The following SLC25A53 variants were observed in gnomAD, a reference collection of about 807,000 sequenced individuals.
The protein encoded by SLC25A53 is mitochondrial carrier triple repeat protein 6.
In SLC25A53, 5 loss-of-function variants were observed where a neutral mutation model predicts 15.0. That is an observed-to-expected ratio of 0.33 (90% CI 0.17 to 0.70). The LOEUF (loss-of-function observed/expected upper bound fraction) is 0.70, where lower values mean the gene tolerates loss of function less well. SLC25A53 is among the 30% of genes least tolerant of loss of function. The probability of loss-of-function intolerance (pLI) is 0.67; values close to 1 mark genes in which losing one functional copy is unlikely to be tolerated. For synonymous variants in SLC25A53, 95 were observed against 100.0 expected (o/e 0.95, Z 0.30); for missense variants, 216 against 241.6 (o/e 0.89, Z 0.70).
chrX:104,114,348 G>A (rs1227285668), intron 1 of SLC25A53: 2 of 1,209,907 alleles, frequency 1.7e-6, no homozygotes, highest in Admixed American at 4.4e-5. Flanking sequence ...GTATGTCTGA[G>A]GAGGAAAAAC....
intron 1 of SLC25A53, among the ~76,000 whole-genome samples, chrX:104,154,683 G>A (rs2075495214): frequency 8.9e-6 from 1 of 111,958 alleles, no homozygotes; most frequent in Non-Finnish European, 1.9e-5. Context: ...CCATTGATGA[G>A]CCTGGAGAAC....
chrX:104,136,427 A>G (rs947058711), intron 1 of SLC25A53, among the ~76,000 whole-genome samples: 1 of 111,562 alleles, frequency 9.0e-6, no homozygotes, highest in Non-Finnish European at 1.9e-5. Context: ...AGGCAGCTCC[A>G]AAACAGCCTT....
intron 1 of SLC25A53, among the ~76,000 whole-genome samples, chrX:104,126,601 T>A (rs1414406727): frequency 1.8e-5 from 2 of 111,174 alleles, no homozygotes; most frequent in Non-Finnish European, 1.9e-5. Context: ...CAGTGAGACA[T>A]GATTGTGCCA....
chrX:104,146,939 T>C (rs782097428), intron 1 of SLC25A53, among the ~76,000 whole-genome samples: 3 of 111,486 alleles, frequency 2.7e-5, no homozygotes, highest in African/African-American at 6.5e-5. Flanking sequence ...CTTCACAGAA[T>C]TGGAAAAAAC....
At position 104,101,064 on chromosome X, in the gene SLC25A53, C is replaced by T. The variant is rs1487732088; in HGVS notation, c.*3270G>A. 1.8e-5 allele frequency: 2 copies of T among 112,332 alleles called. No homozygotes were observed. The highest frequency in any genetic ancestry group is 6.5e-5 in the African/African-American group (2 of 30,886). 9.3% of individuals were successfully genotyped at this position (112,332 alleles called of 1,213,427 possible). A position where few individuals can be genotyped will look rare whatever the true frequency, so the allele number is the denominator to read the frequency against. On this transcript the variant is annotated 3_prime_UTR_variant, in exon 2 of 2. Coordinates refer to ENST00000594199, the MANE Select transcript of SLC25A53 (RefSeq NM_001012755.5). ...CTTCAAGTTTGAGTTCACATGACCC[C>T]TTCTTTGGGTTTAATTTGCCAGAAA...
chrX:104,142,665 A>C (rs2075453973), intron 1 of SLC25A53, among the ~76,000 whole-genome samples: 1 of 110,532 alleles, frequency 9.0e-6, no homozygotes, highest in African/African-American at 3.3e-5. Context: ...TGCAGCTCCC[A>C]ACAAGACCGA....
At chrX:104,137,850 T>C (rs782360750) in intron 1 of SLC25A53, among the ~76,000 whole-genome samples, 82 of 111,910 alleles carry the variant, frequency 7.3e-4, no homozygotes, top group Non-Finnish European at 8.3e-4. Context: ...GTCTCTTTCT[T>C]CCAGTCTCCT....
In SLC25A53 at chrX:104,100,599, C is replaced by T. The variant is rs1195554943; in HGVS notation, c.*3735G>A. 1 of 111,621 alleles carries T rather than the reference C, an allele frequency of 9.0e-6. No individual in the cohort carries two copies. Among genetic ancestry groups the T allele is most frequent in the Non-Finnish European group, 1.9e-5 (1 of 53,189 alleles). 9.2% of individuals were successfully genotyped at this position (111,621 alleles called of 1,213,427 possible). ...ATATTGCCTAGGATTTCATATGAAC[C>T]GATTTGAAAAACTCAATTATTTAAA... is the stretch of plus-strand genomic sequence containing the variant. On this transcript the variant is annotated 3_prime_UTR_variant, in exon 2 of 2. Transcript: ENST00000594199.
At chrX:104,156,781 C>T (rs1341891955) in intron 1 of SLC25A53, 97 bp downstream of exon 1, 2 of 111,606 alleles carry the variant, frequency 1.8e-5, no homozygotes, top group South Asian at 3.8e-4. Context: ...CTCATCCCCT[C>T]GCAACTTCTG....
intron 1 of SLC25A53, among the ~76,000 whole-genome samples, chrX:104,143,102 G>A (rs950055093): frequency 9.0e-6 from 1 of 110,682 alleles, no homozygotes; most frequent in Non-Finnish European, 1.9e-5. Flanking sequence ...GGTAGGTCAC[G>A]AACGTCAAAG....
At chrX:104,152,184 G>A (rs1373933510) in intron 1 of SLC25A53, among the ~76,000 whole-genome samples, 5 of 106,077 alleles carry the variant, frequency 4.7e-5, no homozygotes, top group Non-Finnish European at 9.7e-5. Context: ...CCATTAACTC[G>A]TCATTTAGCA....
At chrX:104,117,888 C>T (rs1390188643) in intron 1 of SLC25A53, among the ~76,000 whole-genome samples, 1 of 112,309 alleles carries the variant, frequency 8.9e-6, no homozygotes, top group Admixed American at 9.4e-5. Context: ...TACCCCCATC[C>T]TCCTTTTCAC....
chrX:104,127,972 C>T lies in SLC25A53; in HGVS notation c.-31-22684G>A, dbSNP rs1569462964. ...GAGCTAGACTCTGTCTCAAAAAAAA[C>T]AAAAAAACAAACAAAAAAAAAACTA... is the stretch of plus-strand genomic sequence containing the variant. On this transcript the variant is annotated intron_variant, in intron 1 of 1. Coordinates refer to ENST00000594199, the MANE Select transcript of SLC25A53 (RefSeq NM_001012755.5). 2.7e-5 allele frequency among the ~76,000 whole-genome samples: 3 copies of T among 109,309 alleles called. No individual in the cohort carries two copies. In the South Asian group the frequency reaches 1.2e-3, roughly 43 times the overall value. 94.9% of individuals were successfully genotyped at this position (109,309 alleles called of 115,157 possible).
At chrX:104,117,880 C>T (rs1171433448) in intron 1 of SLC25A53, among the ~76,000 whole-genome samples, 1 of 112,261 alleles carries the variant, frequency 8.9e-6, no homozygotes, top group Admixed American at 9.4e-5. Flanking sequence ...GCTACACCTA[C>T]CCCCATCCTC....
chrX:104,146,834 T>A (rs1277395510), intron 1 of SLC25A53, among the ~76,000 whole-genome samples: 3 of 111,040 alleles, frequency 2.7e-5, no homozygotes, highest in Non-Finnish European at 5.7e-5. Context: ...CATTCCATGC[T>A]CATGGGTAGG....
chrX:104,142,033 A>G (rs1387370181), intron 1 of SLC25A53, among the ~76,000 whole-genome samples: 1 of 112,147 alleles, frequency 8.9e-6, no homozygotes, highest in African/African-American at 3.2e-5. Context: ...CTTTTAAAAG[A>G]AAAAGGTTCA....
In SLC25A53 at chrX:104,104,417, T is replaced by C; in HGVS notation, c.841A>G (p.Ser281Gly). Residue 281 changes from serine to glycine, a missense_variant, in exon 2 of 2, where the codon AGT (serine) becomes GGT (glycine). By Grantham distance (56) the Ser-to-Gly change is moderately conservative. Coordinates refer to ENST00000594199, the MANE Select transcript of SLC25A53 (RefSeq NM_001012755.5). ...RGGSLVILRS[S>G]VTWGLTTAIH... ...GCCGTAGTGAGGCCCCATGTCACACTGGACCTTAGGATGACTAGGGAGCCT... is the reference window on the plus strand; with the variant it reads ...GCCGTAGTGAGGCCCCATGTCACACCGGACCTTAGGATGACTAGGGAGCCT... The C allele has an allele frequency of 8.3e-7, 1 of 1,211,896 alleles. No individual in the cohort carries two copies. The highest frequency in any genetic ancestry group is 1.1e-6 in the Non-Finnish European group (1 of 895,415).
At chrX:104,114,713 A>G in intron 1 of SLC25A53, 1 of 1,212,078 alleles carries the variant, frequency 8.3e-7, no homozygotes, top group Non-Finnish European at 1.1e-6. Context: ...ATGTATGCAA[A>G]TAAGCAGGAG....
intron 1 of SLC25A53, among the ~76,000 whole-genome samples, chrX:104,106,272 G>T (rs1182850011): frequency 9.0e-6 from 1 of 111,267 alleles, no homozygotes; most frequent in Admixed American, 9.6e-5. Flanking sequence ...CAACTTGGAA[G>T]CCAGGACATA....
Sources: gnomAD v4.1 joint callset for allele counts (sites outside exome capture counted in the v4.1 genomes callset) on GRCh38, gnomAD v4.1.1 for gene constraint, MANE v1.5 for transcripts, NCBI Gene and HGNC (gene_info 2026-07-23, HGNC 2026-07-21) for gene names.